The following KPNA1 variants were observed in gnomAD, a reference collection of about 807,000 sequenced individuals.
KPNA1 encodes importin subunit alpha-5.
Under a neutral mutation model 70.5 loss-of-function variants are expected in KPNA1, and 10 were observed. That is an observed-to-expected ratio of 0.14 (90% CI 0.09 to 0.24). KPNA1 has a LOEUF of 0.24. KPNA1 is among the 10% of genes least tolerant of loss of function. KPNA1 has a pLI of 1.00. For synonymous variants in KPNA1, 192 were observed against 221.9 expected (o/e 0.87, Z 1.20); for missense variants, 397 against 637.9 (o/e 0.62, Z 4.07).
intron 2 of KPNA1, among the ~76,000 whole-genome samples, chr3:122,493,772 A>G (rs185341418): frequency 8.1e-4 from 123 of 152,286 alleles, no homozygotes; most frequent in Non-Finnish European, 1.6e-3. Flanking sequence ...TTTAGTAGAG[A>G]CGGGATTTCA....
At chr3:122,487,704 A>G (rs2076645405) in intron 2 of KPNA1, among the ~76,000 whole-genome samples, 1 of 152,242 alleles carries the variant, frequency 6.6e-6, no homozygotes, top group African/African-American at 2.4e-5. Context: ...ATCTAGAGAA[A>G]TCAAAATCAT....
intron 5 of KPNA1, chr3:122,457,639 T>C (rs1483335344): frequency 8.7e-7 from 1 of 1,148,396 alleles, no homozygotes; most frequent in African/African-American, 1.6e-5. Flanking sequence ...TTTGATGTTT[T>C]CTCTCTTCCC....
At chr3:122,512,840 T>C (rs1326423563) in intron 1 of KPNA1, among the ~76,000 whole-genome samples, 1 of 152,260 alleles carries the variant, frequency 6.6e-6, no homozygotes, top group Non-Finnish European at 1.5e-5. Flanking sequence ...TACAGGACTG[T>C]AAACTCCTCA....
intron 1 of KPNA1, among the ~76,000 whole-genome samples, chr3:122,512,534 C>T (rs555327254): frequency 2.0e-4 from 30 of 152,278 alleles, no homozygotes; most frequent in Admixed American, 1.8e-3. Flanking sequence ...CCAGCCTGGG[C>T]AAGACGGTGA....
At chr3:122,505,340 G>A (rs1342597108) in intron 1 of KPNA1, among the ~76,000 whole-genome samples, 2 of 149,656 alleles carry the variant, frequency 1.3e-5, no homozygotes, top group African/African-American at 2.5e-5. Flanking sequence ...AATCACTATA[G>A]TAGAGCAAAA....
chr3:122,423,711 G>T lies in KPNA1; in HGVS notation c.*3274C>A, dbSNP rs1019893471. On this transcript the variant is annotated 3_prime_UTR_variant, in exon 14 of 14. Coordinates refer to ENST00000344337, the MANE Select transcript of KPNA1 (RefSeq NM_002264.4). Reference sequence around the variant, plus strand: ...ACAATAGAATTGGTTGACAAAGTTTGGTTTATAAAATATACTTACATATTG... The same window carrying T: ...ACAATAGAATTGGTTGACAAAGTTTTGTTTATAAAATATACTTACATATTG... 6.6e-6 allele frequency: 1 copy of T among 152,508 alleles called. No homozygotes were observed. Among genetic ancestry groups the T allele is most frequent in the Non-Finnish European group, 1.5e-5 (1 of 68,022 alleles). The allele number at this position is 152,508 out of a possible 1,614,324, so 9.4% of individuals were successfully genotyped here. A position where few individuals can be genotyped will look rare whatever the true frequency, so the allele number is the denominator to read the frequency against.
intron 5 of KPNA1, chr3:122,457,791 C>T (rs1576306314): frequency 7.8e-7 from 1 of 1,289,910 alleles, no homozygotes; most frequent in Non-Finnish European, 1.0e-6. Context: ...TGGATCAGGA[C>T]TCTGTTGCTG....
At chr3:122,481,998 A>C (rs1337976240) in intron 2 of KPNA1, among the ~76,000 whole-genome samples, 1 of 152,250 alleles carries the variant, frequency 6.6e-6, no homozygotes, top group Non-Finnish European at 1.5e-5. Context: ...CATACATAGA[A>C]ATAAAAACTT....
rs1269783354 is a variant in KPNA1 at position 122,427,533 on chromosome 3, C to G, written c.1429+5G>C. On this transcript the variant is annotated splice_donor_5th_base_variant and intron_variant, in intron 13 of 13. Coordinates refer to ENST00000344337, the MANE Select transcript of KPNA1 (RefSeq NM_002264.4). ...CCATAAACTTCTTCAACCAAAGCAT[C>G]TTACCATAAGCTTCTTCAATCAAAG... The G allele has an allele frequency of 6.2e-7, 1 of 1,608,868 alleles. No individual in the cohort carries two copies. The highest frequency in any genetic ancestry group is 1.1e-5 in the South Asian group (1 of 90,396).
intron 9 of KPNA1, among the ~76,000 whole-genome samples, chr3:122,443,657 G>A (rs1333113984): frequency 6.6e-6 from 1 of 152,122 alleles, no homozygotes; most frequent in Non-Finnish European, 1.5e-5. Context: ...GTCTCCGGGG[G>A]TGACATCACA....
At chr3:122,460,648 GAAAA>G in intron 5 of KPNA1, 1 of 481,252 alleles carries the variant, frequency 2.1e-6, no homozygotes, top group Non-Finnish European at 2.5e-6. Flanking sequence ...AGAAAAAGAA[GAAAA>G]AAAAAAAAAA....
At chr3:122,489,227 C>G (rs904212895) in intron 2 of KPNA1, among the ~76,000 whole-genome samples, 16 of 151,986 alleles carry the variant, frequency 1.1e-4, no homozygotes, top group African/African-American at 3.1e-4. Flanking sequence ...TCTTGGACAT[C>G]ACAGTTTTTA....
intron 1 of KPNA1, among the ~76,000 whole-genome samples, chr3:122,512,115 T>C (rs1306385438): frequency 2.0e-5 from 3 of 151,796 alleles, no homozygotes; most frequent in Non-Finnish European, 4.4e-5. Flanking sequence ...AAGAAAATTA[T>C]AAAAATTGAA....
chr3:122,492,851 G>A (rs1415080017), intron 2 of KPNA1, among the ~76,000 whole-genome samples: 1 of 152,192 alleles, frequency 6.6e-6, no homozygotes, highest in Admixed American at 6.5e-5. Context: ...ACACTGAACT[G>A]CTGTAACCAC....
rs34002370 is a variant in KPNA1, at chr3:122,489,057, C to CGTGTGTGTGTGT, written c.129+7368_129+7379dup. On this transcript the variant is annotated intron_variant, in intron 2 of 13. Coordinates refer to ENST00000344337, the MANE Select transcript of KPNA1 (RefSeq NM_002264.4). ...ACTCGCTTGTGGGTTTTTTTGCGTG[C>CGTGTGTGTGTGT]GTGTGTGTGTGTGTGTGTGTGTGTG... 8.0e-4 allele frequency among the ~76,000 whole-genome samples: 104 copies of CGTGTGTGTGTGT among 130,782 alleles called. 3 individuals are homozygous for CGTGTGTGTGTGT. The Middle Eastern group carries it at 0.019, about 23-fold the overall frequency. The allele number at this position is 130,782 out of a possible 152,430, so 85.8% of individuals were successfully genotyped here.
intron 1 of KPNA1, among the ~76,000 whole-genome samples, chr3:122,507,440 C>CAAAAAAA: frequency 8.8e-6 from 1 of 113,376 alleles, no homozygotes; most frequent in Non-Finnish European, 1.8e-5. Flanking sequence ...GACTCCATCT[C>CAAAAAAA]AAAAAAAAAA....
rs752118749 is a variant in KPNA1 at position 122,427,011 on chromosome 3, C to T, written c.1591G>A (p.Ala531Thr). The T allele has an allele frequency of 6.8e-6, 11 of 1,614,090 alleles. No individual in the cohort carries two copies. The South Asian group carries it at 1.1e-4, about 16-fold the overall frequency. Residue 531 changes from alanine (A) to threonine (T), a missense_variant, in exon 14 of 14, where the codon GCT becomes ACT. Coordinates refer to ENST00000344337, the MANE Select transcript of KPNA1 (RefSeq NM_002264.4). ...CAAAGCTGGAAACCTTCCATAGGAG[C>T]CTCACACTGTTGGAAGATGTACTGC... The part of the protein sequence containing the change: ...QQQYIFQQCE[A>T]PMEGFQL
intron 10 of KPNA1, among the ~76,000 whole-genome samples, chr3:122,439,306 C>T (rs1057388105): frequency 5.9e-5 from 9 of 152,138 alleles, no homozygotes; most frequent in Admixed American, 5.2e-4. Context: ...CCTCAGCCTC[C>T]TGAGTAGAGT....
intron 1 of KPNA1, among the ~76,000 whole-genome samples, chr3:122,502,038 G>A (rs750810843): frequency 2.1e-4 from 32 of 152,240 alleles, no homozygotes; most frequent in Non-Finnish European, 4.4e-4. Context: ...ATGCAAACCT[G>A]GGTTGAGAAT....
Sources: gnomAD v4.1 joint callset for allele counts (sites outside exome capture counted in the v4.1 genomes callset) on GRCh38, gnomAD v4.1.1 for gene constraint, MANE v1.5 for transcripts, NCBI Gene and HGNC (gene_info 2026-07-23, HGNC 2026-07-21) for gene names.